The following PACRGL variants were observed in gnomAD, a reference collection of about 807,000 sequenced individuals.
PACRGL encodes the protein PACRG-like protein.
In PACRGL, 38 loss-of-function variants were observed where a neutral mutation model predicts 34.5. That is an observed-to-expected ratio of 1.10 (90% CI 0.85 to 1.44). The LOEUF is 1.44. Ranked by LOEUF, PACRGL falls within the 40% of genes most tolerant of loss-of-function variation. The pLI, the probability that PACRGL is intolerant of heterozygous loss-of-function variation, is 0.00. For missense variants in PACRGL, 305 were observed against 281.4 expected, an observed-to-expected ratio of 1.08 and a Z score of -0.60; for synonymous variants, 128 against 100.1, an observed-to-expected ratio of 1.28 and a Z score of -1.66.
intron 8 of PACRGL, among the ~76,000 whole-genome samples, chr4:20,751,886 A>G (rs1482243365): frequency 1.3e-5 from 2 of 152,100 alleles, no homozygotes; most frequent in African/African-American, 2.4e-5. Flanking sequence ...AGTCTAGACA[A>G]TCTATGCACA....
chr4:20,702,966 A>C lies in PACRGL; in HGVS notation c.-16-1500A>C, dbSNP rs149299242. 2.8e-3 allele frequency among the ~76,000 whole-genome samples: 426 copies of C among 152,320 alleles called. 4 individuals carry two copies. The highest frequency in any genetic ancestry group is 0.01 in the African/African-American group (416 of 41,578). ...AGTGTGCAGAAGCAAGCTTACATTT[A>C]GGTTATCTTTACATGGTATCAGACT... On this transcript the variant is annotated intron_variant, in intron 1 of 8. Transcript: ENST00000503585.
At chr4:20,714,121 G>T (rs1287715979) in intron 7 of PACRGL, among the ~76,000 whole-genome samples, 14 of 152,180 alleles carry the variant, frequency 9.2e-5, no homozygotes, top group Non-Finnish European at 1.5e-5. Context: ...CATTATTATT[G>T]TGTGGGAGTC....
chr4:20,714,926 A>G (rs563419969), intron 7 of PACRGL, among the ~76,000 whole-genome samples: 4 of 152,292 alleles, frequency 2.6e-5, no homozygotes, highest in African/African-American at 9.6e-5. Context: ...ATTACTGGGT[A>G]TATACCCAAA....
chr4:20,710,051 C>T (rs1386600341), intron 5 of PACRGL, among the ~76,000 whole-genome samples: 5 of 152,048 alleles, frequency 3.3e-5, no homozygotes, highest in Non-Finnish European at 7.4e-5. Context: ...AATATGTGGA[C>T]TCATAATGAG....
At chr4:20,737,130 G>C (rs181325006), downstream of PACRGL, among the ~76,000 whole-genome samples, 1 of 152,306 alleles carries the variant, frequency 6.6e-6, no homozygotes, top group Admixed American at 6.5e-5. Context: ...GGCATGAAGG[G>C]TAGAATGTCA....
At chr4:20,719,291 A>T (rs1484747311) in intron 7 of PACRGL, among the ~76,000 whole-genome samples, 11 of 152,252 alleles carry the variant, frequency 7.2e-5, no homozygotes, top group Non-Finnish European at 1.6e-4. Context: ...TCCTGGAGTC[A>T]TTGATTTTTT....
At chr4:20,752,258 C>T (rs1348572188) in intron 8 of PACRGL, among the ~76,000 whole-genome samples, 3 of 151,904 alleles carry the variant, frequency 2.0e-5, no homozygotes, top group Admixed American at 6.6e-5. Flanking sequence ...AGGGTTTCAT[C>T]ACGTTGGCCA....
the PACRGL span, among the ~76,000 whole-genome samples, chr4:20,764,709 A>ACAC: frequency 1.7e-4 from 16 of 92,596 alleles, no homozygotes; most frequent in African/African-American, 3.4e-4. Context: ...CACACACACA[A>ACAC]CCCCATGAAC....
At chr4:20,708,996 G>A (rs1386648912) in intron 4 of PACRGL, among the ~76,000 whole-genome samples, 3 of 151,658 alleles carry the variant, frequency 2.0e-5, no homozygotes, top group East Asian at 1.9e-4. Flanking sequence ...AAAATTAGCC[G>A]GGTGTGGTGG....
chr4:20,761,448 T>G, the PACRGL span, among the ~76,000 whole-genome samples: 1 of 152,174 alleles, frequency 6.6e-6, no homozygotes, highest in Non-Finnish European at 1.5e-5. Flanking sequence ...ATGGACCCAT[T>G]TTAAGACTAA....
At chr4:20,739,816 A>C (rs1481645779) in intron 8 of PACRGL, among the ~76,000 whole-genome samples, 3 of 152,196 alleles carry the variant, frequency 2.0e-5, no homozygotes, top group African/African-American at 7.2e-5. Context: ...AAGATGTTCG[A>C]ACCCATCACA....
the PACRGL span, among the ~76,000 whole-genome samples, chr4:20,761,628 G>C: frequency 2.0e-5 from 3 of 152,156 alleles, no homozygotes; most frequent in South Asian, 6.2e-4. Flanking sequence ...GTTAAAAGTT[G>C]ATGCTGATAA....
At chr4:20,704,319 T>G in intron 1 of PACRGL, 147 bp from the exon 2 acceptor site, 1 of 630,272 alleles carries the variant, frequency 1.6e-6, no homozygotes, top group Non-Finnish European at 2.8e-6. Flanking sequence ...GTTTTCTCAT[T>G]AGTCTTTTCC....
At chr4:20,759,041 A>C in the PACRGL span, 5 of 586,460 alleles carry the variant, frequency 8.5e-6, no homozygotes, top group Middle Eastern at 2.6e-4. Context: ...AAAGCACACT[A>C]TAAACTTATG....
At position 20,731,400 on chromosome 4, in the gene PACRGL, C is replaced by G; in HGVS notation, c.*4059C>G. ...TAACAATTTTTAACTGTGGTTCTGCCCACACATCAAGTCAAATAATTCTAA... is the reference window on the plus strand; with the variant it reads ...TAACAATTTTTAACTGTGGTTCTGCGCACACATCAAGTCAAATAATTCTAA... On this transcript the variant is annotated 3_prime_UTR_variant, in exon 9 of 9. Coordinates refer to ENST00000503585, the MANE Select transcript of PACRGL (RefSeq NM_001258345.3). 1 of 985,218 alleles carries G rather than the reference C, an allele frequency of 1.0e-6. No individual in the cohort carries two copies. The highest frequency in any genetic ancestry group is 1.2e-6 in the Non-Finnish European group (1 of 829,854). 61.0% of individuals were successfully genotyped at this position (985,218 alleles called of 1,614,324 possible). A position where few individuals can be genotyped will look rare whatever the true frequency, so the allele number is the denominator to read the frequency against.
In PACRGL at chr4:20,732,548, G is replaced by C; in HGVS notation, c.*5207G>C. 1 of 667,462 alleles carries C rather than the reference G, an allele frequency of 1.5e-6. No individual in the cohort carries two copies. Among genetic ancestry groups the C allele is most frequent in the Non-Finnish European group, 2.7e-6 (1 of 376,024 alleles). 41.3% of individuals were successfully genotyped at this position (667,462 alleles called of 1,614,324 possible). A position where few individuals can be genotyped will look rare whatever the true frequency, so the allele number is the denominator to read the frequency against. The stretch of plus-strand genomic sequence containing the variant: ...CAAAACCAAAGCTATTAAATTAATA[G>C]GATGCTAAATACTGTTTTGTTTCAG... On this transcript the variant is annotated 3_prime_UTR_variant, in exon 9 of 9. Transcript: ENST00000503585.
chr4:20,714,626 A>T (rs1195616472), intron 7 of PACRGL, among the ~76,000 whole-genome samples: 1 of 152,176 alleles, frequency 6.6e-6, no homozygotes, highest in East Asian at 1.9e-4. Flanking sequence ...ATGATTTTGC[A>T]GTGGCTGGTA....
intron 8 of PACRGL, among the ~76,000 whole-genome samples, chr4:20,740,885 G>A (rs183030732): frequency 6.1e-3 from 922 of 151,948 alleles, no homozygotes; most frequent in Middle Eastern, 0.017. Flanking sequence ...GATCTACCAA[G>A]CAAATGGAAA....
chr4:20,734,200 T>C (rs887693185), downstream of PACRGL, among the ~76,000 whole-genome samples: 4 of 152,196 alleles, frequency 2.6e-5, no homozygotes, highest in Admixed American at 1.3e-4. Context: ...ATAGTCTGCC[T>C]CAACGTGCAT....
Sources: gnomAD v4.1 joint callset for allele counts (sites outside exome capture counted in the v4.1 genomes callset) on GRCh38, gnomAD v4.1.1 for gene constraint, MANE v1.5 for transcripts, NCBI Gene and HGNC (gene_info 2026-07-23, HGNC 2026-07-21) for gene names.